Variants in C1QTNF2 observed in about 807,000 individuals in gnomAD.
The protein encoded by C1QTNF2 is complement C1q tumor necrosis factor-related protein 2.
In C1QTNF2, 15 loss-of-function variants were observed where a neutral mutation model predicts 17.4. The ratio of observed to expected loss-of-function variants is 0.86; its 90% CI spans 0.58 to 1.33. C1QTNF2 has a LOEUF of 1.33. Ranked by LOEUF, C1QTNF2 falls within the 40% of genes most tolerant of loss-of-function variation. The probability of loss-of-function intolerance (pLI) is 0.00; values close to 1 mark genes in which losing one functional copy is unlikely to be tolerated. For synonymous variants in C1QTNF2, 154 were observed against 163.3 expected, an observed-to-expected ratio of 0.94 and a Z score of 0.44; for missense variants, 381 against 392.3, an observed-to-expected ratio of 0.97 and a Z score of 0.24.
Position 160,348,902 on chromosome 5 carries a change from C to T in C1QTNF2, c.*266G>A. On this transcript the variant is annotated 3_prime_UTR_variant, in exon 3 of 3. Coordinates refer to ENST00000652664, the MANE Select transcript of C1QTNF2 (RefSeq NM_031908.6). ...AATGTAAGCTGCATGAGGACAGATACTCTGTCTTGTCCACTGCTGCATCTT... is the reference window on the plus strand; with the variant it reads ...AATGTAAGCTGCATGAGGACAGATATTCTGTCTTGTCCACTGCTGCATCTT... 1 of 415,940 alleles carries T rather than the reference C, an allele frequency of 2.4e-6. No individual in the cohort carries two copies. The highest frequency in any genetic ancestry group is 3.8e-5 in the East Asian group (1 of 26,660). The allele number at this position is 415,940 out of a possible 1,614,324, so 25.8% of individuals were successfully genotyped here.
chr5:160,349,095 C>A lies in C1QTNF2; in HGVS notation c.*73G>T. The A allele has an allele frequency of 6.6e-7, 1 of 1,519,456 alleles. No homozygotes were observed. Among genetic ancestry groups the A allele is most frequent in the East Asian group, 2.3e-5 (1 of 44,086 alleles). The allele number at this position is 1,519,456 out of a possible 1,614,324, so 94.1% of individuals were successfully genotyped here. On this transcript the variant is annotated 3_prime_UTR_variant, in exon 3 of 3. Coordinates refer to ENST00000652664, the MANE Select transcript of C1QTNF2 (RefSeq NM_031908.6). The surrounding 1 kb of genome is among the most constrained non-coding windows in gnomAD (Gnocchi z 4.3). ...CACTCGACCCCCCACCCCCAGCCTA[C>A]AGTTGTGGGGTCTTGCTCTGTAAGC...
At chr5:160,351,974 G>T (rs1000228363) in intron 2 of C1QTNF2, among the ~76,000 whole-genome samples, 1 of 150,990 alleles carries the variant, frequency 6.6e-6, no homozygotes, top group African/African-American at 2.4e-5. Context: ...GCAGTGGCGC[G>T]ATCATAGCTC....
intron 2 of C1QTNF2, among the ~76,000 whole-genome samples, chr5:160,353,838 C>G (rs113621336): frequency 4.7e-4 from 54 of 114,296 alleles, no homozygotes; most frequent in African/African-American, 1.8e-3. Flanking sequence ...CTGTCCTGCT[C>G]TGTTTCCCAG....
rs765898216 is a variant in C1QTNF2 at position 160,370,511 on chromosome 5, C to T, written c.-10+1G>A. Reference sequence around the variant, plus strand: ...GCCCGACCGCGGTGCGGGACACTCACCCTCGCGGCTGCCCGCCACGTCCAG... The same window carrying T: ...GCCCGACCGCGGTGCGGGACACTCATCCTCGCGGCTGCCCGCCACGTCCAG... On this transcript the variant is annotated splice_donor_variant, in intron 1 of 2. Coordinates refer to ENST00000652664, the MANE Select transcript of C1QTNF2 (RefSeq NM_031908.6). LOFTEE classifies it low-confidence loss of function (5UTR_SPLICE). 7 of 1,479,392 alleles carry T rather than the reference C, an allele frequency of 4.7e-6. No individual in the cohort carries two copies. The East Asian group carries it at 1.4e-4, about 30-fold the overall frequency. 91.6% of individuals were successfully genotyped at this position (1,479,392 alleles called of 1,614,324 possible).
At position 160,370,563 on chromosome 5, in the gene C1QTNF2, G is replaced by C. The variant is rs200328817; in HGVS notation, c.-61C>G. On this transcript the variant is annotated 5_prime_UTR_variant, in exon 1 of 3. Coordinates refer to ENST00000652664, the MANE Select transcript of C1QTNF2 (RefSeq NM_031908.6). ...GGCGTCCGGAGCAAAGAAGCTCTCG[G>C]CGGGGCTCCGCGTCCCGGCTTTCCT... 31 of 1,432,830 alleles carry C rather than the reference G, an allele frequency of 2.2e-5. No individual in the cohort carries two copies. In the East Asian group the frequency reaches 9.2e-4, roughly 42 times the overall value. The allele number at this position is 1,432,830 out of a possible 1,614,324, so 88.8% of individuals were successfully genotyped here. A position where few individuals can be genotyped will look rare whatever the true frequency, so the allele number is the denominator to read the frequency against.
rs1250412925 is a variant in C1QTNF2 at position 160,348,065 on chromosome 5, GC to G, written c.*1102del. 1 of 152,230 alleles carries G rather than the reference GC, an allele frequency of 6.6e-6. No homozygotes were observed. Among genetic ancestry groups the G allele is most frequent in the Non-Finnish European group, 1.5e-5 (1 of 68,084 alleles). The allele number at this position is 152,230 out of a possible 1,614,324, so 9.4% of individuals were successfully genotyped here. On this transcript the variant is annotated 3_prime_UTR_variant, in exon 3 of 3. Transcript: ENST00000652664. ...AGCTACCACATCCCGCCAGCACCTG[GC>G]ACTTTTACTGCAGCTTCTTAAGCCC...
rs543408910 is a variant in C1QTNF2 at position 160,364,734 on chromosome 5, C to A, written c.-10+5778G>T. Among the ~76,000 whole-genome samples, 6 of 152,220 alleles carry A rather than the reference C, an allele frequency of 3.9e-5. No individual in the cohort carries two copies. In the South Asian group the frequency reaches 1.0e-3, roughly 26 times the overall value. On this transcript the variant is annotated intron_variant, in intron 1 of 2. Coordinates refer to ENST00000652664, the MANE Select transcript of C1QTNF2 (RefSeq NM_031908.6). ...AAAAAAAAGTCCTAGGGAGGCTGGG[C>A]CTTTTTTCCTGCCTTGCTGTTTCTG...
intron 1 of C1QTNF2, among the ~76,000 whole-genome samples, chr5:160,358,495 T>C (rs1764093369): frequency 6.6e-6 from 1 of 151,224 alleles, no homozygotes; most frequent in South Asian, 2.1e-4. Context: ...GGGATGGGGG[T>C]CTTGCTCTGT....
At chr5:160,368,940 T>C (rs1025319755) in intron 1 of C1QTNF2, among the ~76,000 whole-genome samples, 3 of 152,086 alleles carry the variant, frequency 2.0e-5, no homozygotes, top group African/African-American at 7.2e-5. Flanking sequence ...TGACACACTA[T>C]GCCCATTAGA....
At chr5:160,350,920 T>G (rs1763907994) in intron 2 of C1QTNF2, among the ~76,000 whole-genome samples, 1 of 152,086 alleles carries the variant, frequency 6.6e-6, no homozygotes, top group South Asian at 2.1e-4. Flanking sequence ...CCGGCTAATT[T>G]TTTGTATATT....
rs148505353 is a variant in C1QTNF2, at chr5:160,367,263, G to A, written c.-10+3249C>T. Among the ~76,000 whole-genome samples, 829 of 152,258 alleles carry A rather than the reference G, an allele frequency of 5.4e-3. 6 individuals carry two copies. Among genetic ancestry groups the A allele is most frequent in the Non-Finnish European group, 6.6e-3 (450 of 68,014 alleles). On this transcript the variant is annotated intron_variant, in intron 1 of 2. Transcript: ENST00000652664. ...AGATTTTCTGTTAACATCGACGTTT[G>A]CAGCTTTTCTTGGGCAGCAGAAGGA...
chr5:160,368,812 G>C (rs1385948117), intron 1 of C1QTNF2, among the ~76,000 whole-genome samples: 6 of 152,144 alleles, frequency 3.9e-5, no homozygotes, highest in Non-Finnish European at 2.9e-5. Flanking sequence ...GAGGAATAGG[G>C]AGATTTGCAG....
intron 2 of C1QTNF2, among the ~76,000 whole-genome samples, chr5:160,351,927 T>TA (rs2113504475): frequency 6.6e-6 from 1 of 150,742 alleles, no homozygotes; most frequent in Admixed American, 6.6e-5. Flanking sequence ...TTTTTTTTTT[T>TA]AAAGATAGAG....
intron 1 of C1QTNF2, among the ~76,000 whole-genome samples, chr5:160,366,894 C>T (rs1435197524): frequency 7.4e-6 from 1 of 134,328 alleles, no homozygotes; most frequent in African/African-American, 2.6e-5. Flanking sequence ...CGTGGTGGTG[C>T]ATGCCTGTAG....
intron 1 of C1QTNF2, among the ~76,000 whole-genome samples, chr5:160,364,056 A>G (rs1458802836): frequency 1.3e-5 from 2 of 152,228 alleles, no homozygotes; most frequent in Non-Finnish European, 2.9e-5. Context: ...AACAGGTGAA[A>G]TTAATTTCAA....
intron 1 of C1QTNF2, among the ~76,000 whole-genome samples, chr5:160,369,169 G>A (rs1274468329): frequency 6.6e-6 from 1 of 152,110 alleles, no homozygotes; most frequent in African/African-American, 2.4e-5. Flanking sequence ...TTCAGAATTG[G>A]GAGGGGGTGT....
At chr5:160,350,441 C>A (rs867021298) in intron 2 of C1QTNF2, among the ~76,000 whole-genome samples, 4 of 152,104 alleles carry the variant, frequency 2.6e-5, no homozygotes, top group African/African-American at 9.7e-5. Context: ...AGGTGGCTCG[C>A]GTCTATAATC....
At chr5:160,357,862 A>G (rs562151234) in intron 1 of C1QTNF2, among the ~76,000 whole-genome samples, 32 of 151,988 alleles carry the variant, frequency 2.1e-4, no homozygotes, top group African/African-American at 7.5e-4. Flanking sequence ...CGGACGAGAG[A>G]GAGGGAGAGA....
At chr5:160,356,041 C>A (rs918392696) in intron 1 of C1QTNF2, among the ~76,000 whole-genome samples, 3 of 152,228 alleles carry the variant, frequency 2.0e-5, no homozygotes, top group African/African-American at 7.2e-5. Context: ...ATAGCACGAT[C>A]CCACTGGAGA....
Sources: gnomAD v4.1 joint callset for allele counts (sites outside exome capture counted in the v4.1 genomes callset) on GRCh38, gnomAD v4.1.1 for gene constraint, Gnocchi (gnomAD v3.1) non-coding constraint, MANE v1.5 for transcripts, NCBI Gene and HGNC (gene_info 2026-07-23, HGNC 2026-07-21) for gene names.